Variants in TBC1D4 observed in about 807,000 individuals in gnomAD.
TBC1D4 encodes TBC (Tre-2, BUB2, CDC16) domain-containing protein.
Under a neutral mutation model 142.5 loss-of-function variants are expected in TBC1D4, and 121 were observed. The ratio of observed to expected loss-of-function variants is 0.85; its 90% CI spans 0.73 to 0.99. The LOEUF (loss-of-function observed/expected upper bound fraction) is 0.99. Ranked by LOEUF, TBC1D4 falls within the 50% of genes least tolerant of loss-of-function variation. TBC1D4 has a pLI of 0.00. For synonymous variants in TBC1D4, 630 were observed against 628.2 expected (o/e 1.00, Z -0.04); for missense variants, 1,475 against 1,606.6 (o/e 0.92, Z 1.40).
intron 12 of TBC1D4, among the ~76,000 whole-genome samples, chr13:75,313,730 T>C (rs1249378075): frequency 2.0e-5 from 3 of 152,150 alleles, no homozygotes; most frequent in African/African-American, 7.2e-5. Flanking sequence ...CCCATTGTGT[T>C]GTCCAGTCTG....
chr13:75,350,800 T>A (rs1881530128), intron 4 of TBC1D4, among the ~76,000 whole-genome samples: 1 of 152,190 alleles, frequency 6.6e-6, no homozygotes, highest in South Asian at 2.1e-4. Context: ...GTTTTTGCTA[T>A]TTCTGGGTCA....
intron 13 of TBC1D4, among the ~76,000 whole-genome samples, chr13:75,312,357 A>G (rs756170927): frequency 3.3e-5 from 5 of 151,378 alleles, no homozygotes; most frequent in African/African-American, 7.3e-5. Flanking sequence ...GGCTACAGTG[A>G]GCTATGATTA....
intron 1 of TBC1D4, among the ~76,000 whole-genome samples, chr13:75,395,478 C>G (rs1555316020): frequency 6.6e-6 from 1 of 152,184 alleles, no homozygotes; most frequent in Non-Finnish European, 1.5e-5. Context: ...TGGTATTTCT[C>G]TATGAGTTGC....
intron 1 of TBC1D4, among the ~76,000 whole-genome samples, chr13:75,431,006 G>A (rs574510115): frequency 6.6e-6 from 1 of 152,204 alleles, no homozygotes; most frequent in African/African-American, 2.4e-5. Context: ...AACTCCTGAG[G>A]GGTGCCCAGC....
At chr13:75,359,034 T>C (rs1219650949) in intron 3 of TBC1D4, among the ~76,000 whole-genome samples, 1 of 152,154 alleles carries the variant, frequency 6.6e-6, no homozygotes, top group Non-Finnish European at 1.5e-5. Context: ...TTAAAATATA[T>C]GGACCTTGGC....
At chr13:75,410,117 A>C in intron 1 of TBC1D4, among the ~76,000 whole-genome samples, 1 of 152,234 alleles carries the variant, frequency 6.6e-6, no homozygotes, top group East Asian at 1.9e-4. Context: ...AAGCTAATGT[A>C]CGTAAATAAC....
intron 1 of TBC1D4, among the ~76,000 whole-genome samples, chr13:75,410,132 T>A (rs561255123): frequency 6.6e-6 from 1 of 152,346 alleles, no homozygotes; most frequent in Non-Finnish European, 1.5e-5. Context: ...AATAACGGTG[T>A]ATGCTCATGA....
At chr13:75,311,890 G>A (rs972950779) in intron 13 of TBC1D4, among the ~76,000 whole-genome samples, 18 of 152,122 alleles carry the variant, frequency 1.2e-4, no homozygotes, top group African/African-American at 2.4e-4. Context: ...CATAGGAGGC[G>A]AAGTTCTCTA....
intron 1 of TBC1D4, among the ~76,000 whole-genome samples, chr13:75,468,199 G>A (rs533122410): frequency 3.3e-5 from 5 of 152,212 alleles, no homozygotes; most frequent in African/African-American, 1.2e-4. Context: ...ACGGAAGAGT[G>A]GGGTCCAGAG....
intron 18 of TBC1D4, among the ~76,000 whole-genome samples, chr13:75,293,766 T>C (rs950875841): frequency 1.1e-4 from 17 of 152,020 alleles, no homozygotes; most frequent in African/African-American, 4.1e-4. Context: ...AAGAAAGATA[T>C]CATATGTTGT....
At position 75,344,708 on chromosome 13, in the gene TBC1D4, A is replaced by T. The variant is rs532563868; in HGVS notation, c.1409-3121T>A. Among the ~76,000 whole-genome samples the T allele has an allele frequency of 2.6e-5, 4 of 152,320 alleles. No homozygotes were observed. The South Asian group carries it at 6.2e-4, about 24-fold the overall frequency. ...GACTGTTCCTCCTGGGATAAACAGTAAGAGTGAACACAAGGACAGACGATG... is the reference window on the plus strand; with the variant it reads ...GACTGTTCCTCCTGGGATAAACAGTTAGAGTGAACACAAGGACAGACGATG... On this transcript the variant is annotated intron_variant, in intron 5 of 20. Transcript: ENST00000377636.
chr13:75,398,534 A>AAGTTCATTAG (rs1302113915), intron 1 of TBC1D4, among the ~76,000 whole-genome samples: 16 of 152,218 alleles, frequency 1.1e-4, no homozygotes, highest in African/African-American at 3.9e-4. Flanking sequence ...CTTGGGGGTC[A>AAGTTCATTAG]ACTTAAGAGG....
intron 1 of TBC1D4, among the ~76,000 whole-genome samples, chr13:75,372,500 C>T (rs1257752228): frequency 6.6e-6 from 1 of 152,108 alleles, no homozygotes; most frequent in East Asian, 1.9e-4. Flanking sequence ...AAACTCCTGA[C>T]CTCAAGTGAT....
chr13:75,438,436 AG>A (rs1006477897), intron 1 of TBC1D4, among the ~76,000 whole-genome samples: 1 of 152,216 alleles, frequency 6.6e-6, no homozygotes, highest in Non-Finnish European at 1.5e-5. Flanking sequence ...GCCTAAGGAT[AG>A]AAAAAACAGA....
chr13:75,442,120 C>T (rs938901960), intron 1 of TBC1D4, among the ~76,000 whole-genome samples: 2 of 152,144 alleles, frequency 1.3e-5, no homozygotes, highest in African/African-American at 4.8e-5. Context: ...TTTTTAACCT[C>T]CTCAATAATA....
intron 1 of TBC1D4, among the ~76,000 whole-genome samples, chr13:75,389,102 G>T (rs1477723509): frequency 1.3e-5 from 2 of 152,222 alleles, no homozygotes; most frequent in African/African-American, 4.8e-5. Flanking sequence ...AGCTATTGCT[G>T]CCCATCATCT....
chr13:75,422,157 A>C (rs1886197233), intron 1 of TBC1D4, among the ~76,000 whole-genome samples: 3 of 152,242 alleles, frequency 2.0e-5, no homozygotes. Context: ...AGAGGCTAAT[A>C]ATGCTGACCC....
chr13:75,356,008 A>C, intron 4 of TBC1D4, 139 bp downstream of exon 4: 1 of 714,032 alleles, frequency 1.4e-6, no homozygotes, highest in Non-Finnish European at 2.5e-6. Flanking sequence ...TGCTGCTTTG[A>C]AGGGGAGGAA....
rs1874671721 is a variant in TBC1D4 at position 75,286,425 on chromosome 13, A to C, written c.*367T>G. On this transcript the variant is annotated 3_prime_UTR_variant, in exon 21 of 21. Transcript: ENST00000377636. ...GCTTTGTTTCACTATAAAGACAAAAAGATTTCACATATGTCCAAGGGAAAT... is the reference window on the plus strand; with the variant it reads ...GCTTTGTTTCACTATAAAGACAAAACGATTTCACATATGTCCAAGGGAAAT... 5.5e-6 allele frequency: 1 copy of C among 181,206 alleles called. No homozygotes were observed. The highest frequency in any genetic ancestry group is 2.4e-5 in the African/African-American group (1 of 42,070). 11.2% of individuals were successfully genotyped at this position (181,206 alleles called of 1,614,324 possible). A position where few individuals can be genotyped will look rare whatever the true frequency, so the allele number is the denominator to read the frequency against.
Sources: gnomAD v4.1 joint callset for allele counts (sites outside exome capture counted in the v4.1 genomes callset) on GRCh38, gnomAD v4.1.1 for gene constraint, MANE v1.5 for transcripts, NCBI Gene and HGNC (gene_info 2026-07-23, HGNC 2026-07-21) for gene names.